Variants in SGCZ observed in about 807,000 individuals in gnomAD.
SGCZ encodes sarcoglycan zeta, also known as zeta-sarcoglycan.
Under a neutral mutation model 41.3 loss-of-function variants are expected in SGCZ, and 40 were observed. The ratio of observed to expected loss-of-function variants is 0.97; its 90% CI spans 0.75 to 1.26. The LOEUF is 1.26. Ranked by LOEUF, SGCZ falls within the 50% of genes most tolerant of loss-of-function variation. The pLI is 0.00. For missense variants in SGCZ, 552 were observed against 369.8 expected (o/e 1.49, Z -4.04); for synonymous variants, 206 against 137.5 (o/e 1.50, Z -3.49).
chr8:15,200,156 T>C (rs1310377179), intron 1 of SGCZ, among the ~76,000 whole-genome samples: 1 of 152,216 alleles, frequency 6.6e-6, no homozygotes, highest in Admixed American at 6.5e-5. Context: ...TCAGCGAGTT[T>C]CCTCAAGTTC....
chr8:14,363,920 C>A (rs1803613390), intron 2 of SGCZ, among the ~76,000 whole-genome samples: 1 of 152,022 alleles, frequency 6.6e-6, no homozygotes, highest in Non-Finnish European at 1.5e-5. Context: ...ATCACTGTTT[C>A]CTCCTTTGCC....
At chr8:14,752,195 A>T (rs1799523181) in intron 1 of SGCZ, among the ~76,000 whole-genome samples, 1 of 150,914 alleles carries the variant, frequency 6.6e-6, no homozygotes, top group South Asian at 2.1e-4. Flanking sequence ...GCATCATTAA[A>T]TCTCCTTTAC....
intron 1 of SGCZ, among the ~76,000 whole-genome samples, chr8:14,858,072 G>C (rs1182734804): frequency 5.3e-5 from 8 of 152,056 alleles, no homozygotes; most frequent in Non-Finnish European, 8.8e-5. Flanking sequence ...TGTTATAAAA[G>C]AAGCTAAACC....
intron 2 of SGCZ, among the ~76,000 whole-genome samples, chr8:14,531,121 G>A (rs187031108): frequency 6.2e-4 from 94 of 152,040 alleles, no homozygotes; most frequent in Admixed American, 4.8e-3. Flanking sequence ...GATTAGTACC[G>A]GGATCTTCAC....
At chr8:14,629,690 T>C (rs1806582643) in intron 1 of SGCZ, among the ~76,000 whole-genome samples, 1 of 151,082 alleles carries the variant, frequency 6.6e-6, no homozygotes, top group South Asian at 2.1e-4. Flanking sequence ...TATGGAATGC[T>C]TTCAATGGGA....
In SGCZ at chr8:14,865,004, T is replaced by C. The variant is rs189953345; in HGVS notation, c.40-310078A>G. The stretch of plus-strand genomic sequence containing the variant: ...CTCAATTTTTAGCCCATTATTATTA[T>C]TTTGCTGTTGAATTGAGTTCCCTGC... On this transcript the variant is annotated intron_variant, in intron 1 of 7. Transcript: ENST00000382080. 2.3e-3 allele frequency among the ~76,000 whole-genome samples: 356 copies of C among 152,250 alleles called. 1 individual carries two copies. Among genetic ancestry groups the C allele is most frequent in the African/African-American group, 8.0e-3 (333 of 41,582 alleles).
chr8:14,309,539 G>C (rs13362867), intron 3 of SGCZ: 1 of 1,610,192 alleles, frequency 6.2e-7, no homozygotes, highest in Non-Finnish European at 8.5e-7. Context: ...TGAAAACAAA[G>C]AAGCTGTTAC....
intron 1 of SGCZ, among the ~76,000 whole-genome samples, chr8:14,900,935 C>T (rs569156728): frequency 2.4e-3 from 365 of 152,198 alleles, no homozygotes; most frequent in African/African-American, 8.4e-3. Context: ...AATTGCAAAC[C>T]CTACCTATAA....
intron 7 of SGCZ, among the ~76,000 whole-genome samples, chr8:14,093,677 C>G (rs1390301819): frequency 6.6e-6 from 1 of 152,032 alleles, no homozygotes; most frequent in Non-Finnish European, 1.5e-5. Flanking sequence ...CATAAGACTA[C>G]TGCACACTAC....
chr8:15,102,918 A>G (rs1806669398), intron 1 of SGCZ, among the ~76,000 whole-genome samples: 1 of 152,220 alleles, frequency 6.6e-6, no homozygotes, highest in African/African-American at 2.4e-5. Flanking sequence ...TTCTACTAAC[A>G]CAAAGCAATA....
Position 14,540,736 on chromosome 8 carries a change from C to T in SGCZ, c.234+13996G>A, listed in dbSNP as rs145743634. Among the ~76,000 whole-genome samples the T allele has an allele frequency of 9.6e-4, 145 of 151,812 alleles. 1 individual carries two copies. The East Asian group carries it at 0.014, about 14-fold the overall frequency. ...TTGAGGATAGTAGTCATTTGTAAGG[C>T]GTTCTGCTTCATAAAATAATTATAT... On this transcript the variant is annotated intron_variant, in intron 2 of 7. Coordinates refer to ENST00000382080, the MANE Select transcript of SGCZ (RefSeq NM_139167.4).
rs981977441 is a variant in SGCZ, at chr8:14,645,822, C to T, written c.40-90896G>A. 2.0e-5 allele frequency among the ~76,000 whole-genome samples: 3 copies of T among 151,862 alleles called. No individual in the cohort carries two copies. The East Asian group carries it at 5.9e-4, about 30-fold the overall frequency. ...CAATGTAAGCAAATGCAGACATTCA[C>T]AGCAAATTTTATTTTCTTTGCATTA... On this transcript the variant is annotated intron_variant, in intron 1 of 7. Coordinates refer to ENST00000382080, the MANE Select transcript of SGCZ (RefSeq NM_139167.4).
chr8:14,216,902 A>G (rs1310722580), intron 4 of SGCZ, among the ~76,000 whole-genome samples: 1 of 152,156 alleles, frequency 6.6e-6, no homozygotes, highest in East Asian at 1.9e-4. Context: ...TAGGAGCAAA[A>G]AGATGTAGCA....
intron 1 of SGCZ, among the ~76,000 whole-genome samples, chr8:14,776,835 T>C (rs117274732): frequency 0.017 from 2,517 of 152,242 alleles, 34 homozygotes; most frequent in South Asian, 0.06. Flanking sequence ...AAAGTAGAAA[T>C]GGTTAAACTC....
At chr8:14,366,022 T>C (rs1279712626) in intron 2 of SGCZ, among the ~76,000 whole-genome samples, 1 of 152,166 alleles carries the variant, frequency 6.6e-6, no homozygotes, top group African/African-American at 2.4e-5. Context: ...TTTTTGAAAT[T>C]TGATAAACTT....
At chr8:14,659,800 T>G (rs1585161530) in intron 1 of SGCZ, among the ~76,000 whole-genome samples, 1 of 152,126 alleles carries the variant, frequency 6.6e-6, no homozygotes, top group East Asian at 1.9e-4. Context: ...TACCTCACAG[T>G]GAGATTTGGA....
intron 1 of SGCZ, among the ~76,000 whole-genome samples, chr8:15,065,837 C>A (rs1805118712): frequency 6.6e-6 from 1 of 152,124 alleles, no homozygotes; most frequent in Non-Finnish European, 1.5e-5. Flanking sequence ...TAGCACTTAG[C>A]ACGTGGTAGG....
intron 1 of SGCZ, among the ~76,000 whole-genome samples, chr8:15,147,386 C>A (rs1799063168): frequency 6.6e-6 from 1 of 152,172 alleles, no homozygotes; most frequent in Non-Finnish European, 1.5e-5. Context: ...TCAAACAATT[C>A]TCCTGCCTCA....
chr8:15,233,070 G>C (rs1203515644), intron 1 of SGCZ, among the ~76,000 whole-genome samples: 3 of 151,744 alleles, frequency 2.0e-5, no homozygotes, highest in African/African-American at 7.2e-5. Context: ...ACTAGACCTA[G>C]AGGGAAAGAA....
Sources: allele counts gnomAD v4.1 joint callset (sites outside exome capture counted in the v4.1 genomes callset), GRCh38; gene constraint gnomAD v4.1.1; transcripts MANE v1.5; gene names NCBI Gene and HGNC (gene_info 2026-07-23, HGNC 2026-07-21).